AMMECR1: variants seen among roughly 807,000 people sequenced by gnomAD.
The protein encoded by AMMECR1 is nuclear protein AMMECR1.
AMMECR1 carries 3 observed loss-of-function variants against 22.5 expected under a neutral mutation model. The observed-to-expected ratio is 0.13, with a 90% confidence interval of 0.06 to 0.35. AMMECR1 has a LOEUF of 0.35. Ranked by LOEUF, AMMECR1 falls within the 10% of genes least tolerant of loss-of-function variation. The probability of loss-of-function intolerance (pLI) is 1.00; values close to 1 mark genes in which losing one functional copy is unlikely to be tolerated. For missense variants in AMMECR1, 235 were observed against 278.7 expected, an observed-to-expected ratio of 0.84 and a Z score of 1.12; for synonymous variants, 130 against 116.7, an observed-to-expected ratio of 1.11 and a Z score of -0.74.
intron 2 of AMMECR1, among the ~76,000 whole-genome samples, chrX:110,233,534 A>G (rs901060273): frequency 8.9e-6 from 1 of 112,169 alleles, no homozygotes; most frequent in African/African-American, 3.2e-5. Context: ...AACAAAAAAG[A>G]GAATTTTAGA....
chrX:110,369,005 A>G (rs1569416086), intron 2 of AMMECR1, among the ~76,000 whole-genome samples: 1 of 111,701 alleles, frequency 9.0e-6, no homozygotes, highest in Non-Finnish European at 1.9e-5. Flanking sequence ...TTCTTAAGCA[A>G]AGTGCTCCAT....
intron 2 of AMMECR1, among the ~76,000 whole-genome samples, chrX:110,425,014 G>A (rs754593342): frequency 1.3e-4 from 14 of 111,771 alleles, no homozygotes; most frequent in Non-Finnish European, 2.3e-4. Context: ...GTAATGTCTA[G>A]GTCACACAGC....
At chrX:110,379,837 A>AT (rs939341733) in intron 2 of AMMECR1, among the ~76,000 whole-genome samples, 2 of 112,360 alleles carry the variant, frequency 1.8e-5, no homozygotes, top group African/African-American at 6.5e-5. Flanking sequence ...TCCCCTAAAT[A>AT]TATCAATTTA....
At chrX:110,220,485 A>G (rs1474848495) in intron 2 of AMMECR1, among the ~76,000 whole-genome samples, 2 of 111,885 alleles carry the variant, frequency 1.8e-5, no homozygotes, top group African/African-American at 6.5e-5. Flanking sequence ...GTATCTGCCA[A>G]TTTAAATTCT....
intron 2 of AMMECR1, among the ~76,000 whole-genome samples, chrX:110,374,437 T>C (rs991668090): frequency 1.8e-5 from 2 of 112,034 alleles, no homozygotes; most frequent in Non-Finnish European, 3.8e-5. Context: ...CAGCCTGAGA[T>C]TGGATCCCCC....
At chrX:110,277,625 C>G (rs939535835) in intron 1 of AMMECR1, among the ~76,000 whole-genome samples, 5 of 111,712 alleles carry the variant, frequency 4.5e-5, no homozygotes, top group Non-Finnish European at 7.5e-5. Flanking sequence ...CAGATCTCTT[C>G]AGCTTTGACA....
rs753376984 is a variant in AMMECR1, at chrX:110,274,294, A to G, written c.474-9695T>C. Among the ~76,000 whole-genome samples the G allele has an allele frequency of 1.6e-4, 18 of 112,052 alleles. 1 individual carries two copies. Among genetic ancestry groups the G allele is most frequent in the Admixed American group, 1.4e-3 (15 of 10,609 alleles). On this transcript the variant is annotated intron_variant, in intron 1 of 5. Coordinates refer to ENST00000262844, the MANE Select transcript of AMMECR1 (RefSeq NM_015365.3). ...GTTGGTAGTATTGATCATGTTTTCT[A>G]TCTCCTCACTGATTTTTGTCTACTT...
At chrX:110,221,420 C>T (rs954156649) in intron 2 of AMMECR1, among the ~76,000 whole-genome samples, 2 of 111,289 alleles carry the variant, frequency 1.8e-5, no homozygotes. Flanking sequence ...GGACACAAAA[C>T]AAAATGTAAA....
At chrX:110,399,832 A>G (rs2068552210) in intron 2 of AMMECR1, among the ~76,000 whole-genome samples, 1 of 112,106 alleles carries the variant, frequency 8.9e-6, no homozygotes, top group Non-Finnish European at 1.9e-5. Context: ...ATGGAGTTCG[A>G]AGATAATTAA....
intron 1 of AMMECR1, among the ~76,000 whole-genome samples, chrX:110,302,542 C>T (rs896662973): frequency 2.7e-5 from 3 of 111,536 alleles, no homozygotes; most frequent in Admixed American, 9.5e-5. Flanking sequence ...AATGGCAAAG[C>T]TCCAGAGAGA....
intron 2 of AMMECR1, among the ~76,000 whole-genome samples, chrX:110,241,719 G>C (rs1025229703): frequency 2.7e-4 from 30 of 109,168 alleles, no homozygotes; most frequent in Non-Finnish European, 2.5e-4. Context: ...AGATACCTTG[G>C]GGGTACATCT....
chrX:110,387,621 T>A (rs1016309701), intron 2 of AMMECR1, among the ~76,000 whole-genome samples: 5 of 111,678 alleles, frequency 4.5e-5, no homozygotes, highest in African/African-American at 1.6e-4. Flanking sequence ...AATTTACAAC[T>A]TGATTTAGAA....
intron 2 of AMMECR1, among the ~76,000 whole-genome samples, chrX:110,325,340 A>G (rs979704574): frequency 8.9e-6 from 1 of 111,966 alleles, no homozygotes; most frequent in African/African-American, 3.2e-5. Context: ...TAAATGTACA[A>G]TAAATTATTG....
At chrX:110,246,300 G>A (rs2067658288) in intron 2 of AMMECR1, among the ~76,000 whole-genome samples, 1 of 111,911 alleles carries the variant, frequency 8.9e-6, no homozygotes, top group Non-Finnish European at 1.9e-5. Context: ...AAATTTCCTT[G>A]ATTTAAAACT....
intron 3 of AMMECR1, 89 bp from the exon 4 acceptor site, chrX:110,202,625 T>C (rs1039826793): frequency 1.7e-6 from 1 of 593,737 alleles, no homozygotes; most frequent in Non-Finnish European, 2.7e-6. Flanking sequence ...AGAATGCAGT[T>C]CTTCCTTTCC....
intron 1 of AMMECR1, among the ~76,000 whole-genome samples, chrX:110,288,288 T>A (rs1367921005): frequency 9.0e-6 from 1 of 111,474 alleles, no homozygotes; most frequent in Non-Finnish European, 1.9e-5. Flanking sequence ...GAGTGGAGAG[T>A]TCTCCCTCAG....
intron 2 of AMMECR1, among the ~76,000 whole-genome samples, chrX:110,347,081 C>CAT (rs1290646325): frequency 1.8e-5 from 2 of 113,062 alleles, no homozygotes; most frequent in African/African-American, 6.4e-5. Flanking sequence ...TGGTACCTGA[C>CAT]ATATAGTATT....
intron 1 of AMMECR1, among the ~76,000 whole-genome samples, chrX:110,274,770 G>A (rs745872770): frequency 1.1e-4 from 12 of 111,372 alleles, no homozygotes; most frequent in Non-Finnish European, 1.9e-4. Flanking sequence ...TCCAATATTT[G>A]TTTTCTATAT....
chrX:110,371,154 CAG>C (rs2068335812), intron 2 of AMMECR1, among the ~76,000 whole-genome samples: 2 of 111,152 alleles, frequency 1.8e-5, no homozygotes, highest in African/African-American at 6.6e-5. Flanking sequence ...GAGGAACATA[CAG>C]AGAGTTCCCG....
Sources: gnomAD v4.1 joint callset for allele counts (sites outside exome capture counted in the v4.1 genomes callset) on GRCh38, gnomAD v4.1.1 for gene constraint, MANE v1.5 for transcripts, NCBI Gene and HGNC (gene_info 2026-07-23, HGNC 2026-07-21) for gene names.